The following FOXJ2 variants were observed in gnomAD, a reference collection of about 807,000 sequenced individuals.
FOXJ2 encodes forkhead box protein J2.
A neutral mutation model predicts 68.4 loss-of-function variants in FOXJ2; 18 were observed. The ratio of observed to expected loss-of-function variants is 0.26; its 90% confidence interval spans 0.18 to 0.39. FOXJ2 has a LOEUF of 0.39. FOXJ2 is among the 10% of genes least tolerant of loss of function. FOXJ2 has a pLI of 1.00. For missense variants in FOXJ2, 670 were observed against 726.5 expected (o/e 0.92, Z 0.89); for synonymous variants, 274 against 263.2 (o/e 1.04, Z -0.40).
At chr12:8,052,225 A>G (rs1190788132) in intron 10 of FOXJ2, among the ~76,000 whole-genome samples, 2 of 133,860 alleles carry the variant, frequency 1.5e-5, no homozygotes, top group Non-Finnish European at 3.3e-5. Flanking sequence ...CAGAAGTACA[A>G]TTTTTTTTTT....
chr12:8,033,092 G>C lies in FOXJ2; in HGVS notation c.-756G>C, dbSNP rs1482341143. 1 of 385,580 alleles carries C rather than the reference G, an allele frequency of 2.6e-6. No homozygotes were observed. Among genetic ancestry groups the C allele is most frequent in the Non-Finnish European group, 4.6e-6 (1 of 218,378 alleles). 23.9% of individuals were successfully genotyped at this position (385,580 alleles called of 1,614,324 possible). On this transcript the variant is annotated 5_prime_UTR_variant, in exon 1 of 11. Transcript: ENST00000162391. ...TGAGGGAAAGAAGAGACCCCTGGAG[G>C]GGACGCCTCTCTCCTGCCTAGAGGC...
rs1191337552 is a variant in FOXJ2, at chr12:8,035,353, TC to T, written c.-15+1526del. The stretch of plus-strand genomic sequence containing the variant: ...GCCACCTGAGGGGAAAGGCTTGGCC[TC>T]CCCCCAGTCAATGGGAGCCCTCGTG... On this transcript the variant is annotated intron_variant, in intron 1 of 10. Transcript: ENST00000162391. The surrounding 1 kb of genome is among the most constrained non-coding windows in gnomAD (Gnocchi z 4.0). Among the ~76,000 whole-genome samples, 2 of 152,008 alleles carry T rather than the reference TC, an allele frequency of 1.3e-5. No individual in the cohort carries two copies. The highest frequency in any genetic ancestry group is 4.8e-5 in the African/African-American group (2 of 41,358).
rs761035927 is a variant in FOXJ2 at position 8,044,858 on chromosome 12, T to C, written c.717T>C (p.Phe239=). 8.1e-6 allele frequency: 13 copies of C among 1,614,090 alleles called. No homozygotes were observed. Among genetic ancestry groups the C allele is most frequent in the South Asian group, 2.2e-5 (2 of 91,080 alleles). ...CCCTCTATAACACCAACCATGACTT[T>C]AAATTCTCCTACTCAGAGATCAACT... ...PPPLYNTNHD[F]KFSYSEINFQ... is the part of the protein sequence containing the mutation. Residue 239 remains phenylalanine (F), a synonymous_variant, in exon 6 of 11, where the codon TTT becomes TTC. Transcript: ENST00000162391.
chr12:8,040,620 G>C lies in FOXJ2; in HGVS notation c.333+455G>C, dbSNP rs1215741124. On this transcript the variant is annotated intron_variant, in intron 2 of 10. Coordinates refer to ENST00000162391, the MANE Select transcript of FOXJ2 (RefSeq NM_018416.3). The surrounding 1 kb of genome is among the most constrained non-coding windows in gnomAD (Gnocchi z 4.0). Reference sequence around the variant, plus strand: ...GTATTTTTAGTAGAGATAGGGTTTCGCTATGTTGGCCAGGCTGGTCTCGAA... The same window carrying C: ...GTATTTTTAGTAGAGATAGGGTTTCCCTATGTTGGCCAGGCTGGTCTCGAA... Among the ~76,000 whole-genome samples, 1 of 151,732 alleles carries C rather than the reference G, an allele frequency of 6.6e-6. No individual in the cohort carries two copies. Among genetic ancestry groups the C allele is most frequent in the African/African-American group, 2.4e-5 (1 of 41,270 alleles).
In FOXJ2 at chr12:8,052,909, A is replaced by G. The variant is rs901545650; in HGVS notation, c.*59A>G. ...GCGTGGTGAAATCTGGCAGTGGGGA[A>G]AGAGCAACCCCAGCCCGTCCCTTCC... On this transcript the variant is annotated 3_prime_UTR_variant, in exon 11 of 11. Coordinates refer to ENST00000162391, the MANE Select transcript of FOXJ2 (RefSeq NM_018416.3). 17 of 1,342,136 alleles carry G rather than the reference A, an allele frequency of 1.3e-5. No homozygotes were observed. Among genetic ancestry groups the G allele is most frequent in the Non-Finnish European group, 1.7e-5 (16 of 951,878 alleles). The allele number at this position is 1,342,136 out of a possible 1,614,324, so 83.1% of individuals were successfully genotyped here.
chr12:8,045,572 G>C (rs770462727), intron 6 of FOXJ2, among the ~76,000 whole-genome samples: 123 of 152,234 alleles, frequency 8.1e-4, no homozygotes, highest in African/African-American at 2.9e-3. Context: ...GGCTGGTCTC[G>C]AACTCCTGGC....
chr12:8,041,187 CTTTCT>C (rs545220060), intron 2 of FOXJ2, among the ~76,000 whole-genome samples: 9 of 151,596 alleles, frequency 5.9e-5, no homozygotes, highest in Non-Finnish European at 1.0e-4. Context: ...AAGCACTCAG[CTTTCT>C]TTTCTTTTCT....
intron 2 of FOXJ2, among the ~76,000 whole-genome samples, chr12:8,042,022 CAT>C (rs1018331900): frequency 2.0e-5 from 3 of 152,120 alleles, no homozygotes; most frequent in African/African-American, 7.2e-5. Flanking sequence ...GGATTGCAGA[CAT>C]GTGCTACCAC....
chr12:8,036,817 G>A (rs1946902057), intron 1 of FOXJ2, among the ~76,000 whole-genome samples: 2 of 152,146 alleles, frequency 1.3e-5, no homozygotes, highest in African/African-American at 2.4e-5. Flanking sequence ...GGCCAGGCAT[G>A]GTGTTTCACA....
chr12:8,034,023 G>A (rs1234100479), intron 1 of FOXJ2, among the ~76,000 whole-genome samples, 190 bp downstream of exon 1: 1 of 152,154 alleles, frequency 6.6e-6, no homozygotes, highest in African/African-American at 2.4e-5. Context: ...CTGAGAAATG[G>A]GTTTCTTAGT....
In FOXJ2 at chr12:8,053,964, T is replaced by C. The variant is rs976194109; in HGVS notation, c.*1114T>C. 3 of 152,198 alleles carry C rather than the reference T, an allele frequency of 2.0e-5. No individual in the cohort carries two copies. Among genetic ancestry groups the C allele is most frequent in the Non-Finnish European group, 4.4e-5 (3 of 68,038 alleles). 9.4% of individuals were successfully genotyped at this position (152,198 alleles called of 1,614,324 possible). A position where few individuals can be genotyped will look rare whatever the true frequency, so the allele number is the denominator to read the frequency against. On this transcript the variant is annotated 3_prime_UTR_variant, in exon 11 of 11. Coordinates refer to ENST00000162391, the MANE Select transcript of FOXJ2 (RefSeq NM_018416.3). The surrounding 1 kb of genome is among the most constrained non-coding windows in gnomAD (Gnocchi z 4.1). ...GTCGTGCCCTGAGACATGATGGGAA[T>C]CTCATTCCCACCTCTCATAGCAGAG...
chr12:8,044,171 A>G, intron 5 of FOXJ2, 80 bp downstream of exon 5: 2 of 1,403,726 alleles, frequency 1.4e-6, no homozygotes, highest in Non-Finnish European at 1.9e-6. Context: ...AGAATTATGT[A>G]TTGAGTATCT....
chr12:8,043,829 C>T, intron 4 of FOXJ2, 60 bp downstream of exon 4: 5 of 1,612,090 alleles, frequency 3.1e-6, no homozygotes, highest in East Asian at 2.2e-5. Context: ...TCCACCTCCT[C>T]TTATGGACGT....
Position 8,040,525 on chromosome 12 carries a change from G to A in FOXJ2, c.333+360G>A, listed in dbSNP as rs1946951974. Among the ~76,000 whole-genome samples, 5 of 151,802 alleles carry A rather than the reference G, an allele frequency of 3.3e-5. No individual in the cohort carries two copies. In the South Asian group the frequency reaches 1.0e-3, roughly 32 times the overall value. On this transcript the variant is annotated intron_variant, in intron 2 of 10. Coordinates refer to ENST00000162391, the MANE Select transcript of FOXJ2 (RefSeq NM_018416.3). This position sits in a 1 kb window ranked among gnomAD's most constrained non-coding sequence, Gnocchi z 4.0. Reference sequence around the variant, plus strand: ...CAACTTCCACCTCCCAGGTTCAAGCGATTTTCCTGCCTCAGCTTCCTGAGT... The same window carrying A: ...CAACTTCCACCTCCCAGGTTCAAGCAATTTTCCTGCCTCAGCTTCCTGAGT...
At chr12:8,039,354 G>T (rs1260093686) in intron 1 of FOXJ2, among the ~76,000 whole-genome samples, 6 of 152,072 alleles carry the variant, frequency 3.9e-5, no homozygotes, top group Non-Finnish European at 5.9e-5. Context: ...TTTGTATTTA[G>T]GTAGACTTTT....
intron 6 of FOXJ2, among the ~76,000 whole-genome samples, chr12:8,046,416 A>G (rs1013938390): frequency 4.6e-5 from 7 of 152,346 alleles, no homozygotes; most frequent in African/African-American, 1.7e-4. Context: ...AAATTGGAGT[A>G]ATTTAATGGA....
At chr12:8,051,345 G>T (rs1301135739) in intron 10 of FOXJ2, among the ~76,000 whole-genome samples, 1 of 152,024 alleles carries the variant, frequency 6.6e-6, no homozygotes, top group African/African-American at 2.4e-5. Flanking sequence ...GGCTAGGCTT[G>T]TCTTGAACTC....
rs1946855825 is a variant in FOXJ2, at chr12:8,033,050, G to T, written c.-798G>T. The T allele has an allele frequency of 5.1e-6, 2 of 393,802 alleles. No homozygotes were observed. The highest frequency in any genetic ancestry group is 1.4e-4 in the South Asian group (1 of 7,036). 24.4% of individuals were successfully genotyped at this position (393,802 alleles called of 1,614,324 possible). On this transcript the variant is annotated 5_prime_UTR_variant, in exon 1 of 11. Coordinates refer to ENST00000162391, the MANE Select transcript of FOXJ2 (RefSeq NM_018416.3). ...ACCTCTCCCCCTGTTGGAGAGAAAA[G>T]ACCCTTACCACTCGGGTGAGGGAAA...
Position 8,035,885 on chromosome 12 carries a change from A to G in FOXJ2, c.-15+2052A>G, listed in dbSNP as rs760248251. Among the ~76,000 whole-genome samples the G allele has an allele frequency of 3.3e-4, 50 of 152,258 alleles. No individual in the cohort carries two copies. Among genetic ancestry groups the G allele is most frequent in the Non-Finnish European group, 6.6e-4 (45 of 68,024 alleles). ...AGTCTTCCTGATCCTAGCATTAGCC[A>G]GTACTGGGTGATATTATCTCTAAAG... On this transcript the variant is annotated intron_variant, in intron 1 of 10. Transcript: ENST00000162391. This position sits in a 1 kb window ranked among gnomAD's most constrained non-coding sequence, Gnocchi z 4.0.
Sources: allele counts gnomAD v4.1 joint callset (sites outside exome capture counted in the v4.1 genomes callset), GRCh38; gene constraint gnomAD v4.1.1; non-coding constraint Gnocchi (gnomAD v3.1); transcripts MANE v1.5; gene names NCBI Gene and HGNC (gene_info 2026-07-23, HGNC 2026-07-21).